AGPAT4: variants seen among roughly 807,000 people sequenced by gnomAD.
The protein encoded by AGPAT4 is 1-acyl-sn-glycerol-3-phosphate acyltransferase delta.
Under a neutral mutation model 48.0 loss-of-function variants are expected in AGPAT4, and 15 were observed. The observed-to-expected ratio is 0.31, with a 90% CI of 0.21 to 0.48. AGPAT4 has a LOEUF of 0.48. Among genes scored for constraint, AGPAT4 ranks in the 20% least tolerant of loss-of-function variants. AGPAT4 has a pLI of 0.99. For missense variants in AGPAT4, 314 were observed against 482.5 expected (o/e 0.65, Z 3.27); for synonymous variants, 178 against 198.7 (o/e 0.90, Z 0.88).
At position 161,203,056 on chromosome 6, in the gene AGPAT4, C is replaced by A. The variant is rs1265859775; in HGVS notation, c.178+28980G>T. On this transcript the variant is annotated intron_variant, in intron 2 of 8. Coordinates refer to ENST00000320285, the MANE Select transcript of AGPAT4 (RefSeq NM_020133.3). ...GCACAGCCTAGCTGTTACCACTGGG[C>A]TCTGTTCAGAATCCTGACCCAACGA... is the stretch of plus-strand genomic sequence containing the variant. Among the ~76,000 whole-genome samples, 10 of 152,338 alleles carry A rather than the reference C, an allele frequency of 6.6e-5. No homozygotes were observed. In the South Asian group the frequency reaches 2.1e-3, roughly 32 times the overall value.
rs903120904 is a variant in AGPAT4 at position 161,195,934 on chromosome 6, T to G, written c.179-29517A>C. On this transcript the variant is annotated intron_variant, in intron 2 of 8. Transcript: ENST00000320285. The surrounding 1 kb of genome is among the most constrained non-coding windows in gnomAD (Gnocchi z 5.0). ...TCCGATCCTATCTTTTCCCAAAGCT[T>G]CCTGACATTGATCAGGCTCTCCCCA... is the stretch of plus-strand genomic sequence containing the variant. Among the ~76,000 whole-genome samples the G allele has an allele frequency of 6.6e-6, 1 of 152,152 alleles. No individual in the cohort carries two copies. Among genetic ancestry groups the G allele is most frequent in the Non-Finnish European group, 1.5e-5 (1 of 68,034 alleles).
Position 161,232,061 on chromosome 6 carries a change from G to A in AGPAT4, c.153C>T (p.Cys51=), listed in dbSNP as rs1435278162. 3 of 1,613,914 alleles carry A rather than the reference G, an allele frequency of 1.9e-6. No homozygotes were observed. In the African/African-American group the frequency reaches 4.0e-5, roughly 22 times the overall value. Residue 51 remains cysteine, a synonymous_variant, in exon 2 of 9, where the codon TGC becomes TGT. Transcript: ENST00000320285. This position sits in a 1 kb window ranked among gnomAD's most constrained non-coding sequence, Gnocchi z 6.8. ...GGCTTGAGATGCAATAGGACAGTCT[G>A]CAGTTGATCTTCCGGAAGAGCTGCT... The part of the protein sequence containing the change: ...INKQLFRKIN[C]RLSYCISSQL...
Position 161,225,586 on chromosome 6 carries a change from T to G in AGPAT4, c.178+6450A>C, listed in dbSNP as rs1313788943. Among the ~76,000 whole-genome samples the G allele has an allele frequency of 6.6e-6, 1 of 152,202 alleles. No individual in the cohort carries two copies. The highest frequency in any genetic ancestry group is 1.5e-5 in the Non-Finnish European group (1 of 68,034). ...AACTAGAAAAGAAAAGAAGGAAGGT[T>G]GCTTTTCGTCAGTTTCTGGAAGCAA... On this transcript the variant is annotated intron_variant, in intron 2 of 8. Coordinates refer to ENST00000320285, the MANE Select transcript of AGPAT4 (RefSeq NM_020133.3). This position sits in a 1 kb window ranked among gnomAD's most constrained non-coding sequence, Gnocchi z 5.0.
rs1781275173 is a variant in AGPAT4 at position 161,202,963 on chromosome 6, A to T, written c.178+29073T>A. Among the ~76,000 whole-genome samples, 1 of 152,188 alleles carries T rather than the reference A, an allele frequency of 6.6e-6. No homozygotes were observed. Among genetic ancestry groups the T allele is most frequent in the African/African-American group, 2.4e-5 (1 of 41,450 alleles). On this transcript the variant is annotated intron_variant, in intron 2 of 8. Transcript: ENST00000320285. This position sits in a 1 kb window ranked among gnomAD's most constrained non-coding sequence, Gnocchi z 5.4. The stretch of plus-strand genomic sequence containing the variant: ...AACATCAACCTCCAGGCTTGTGAGT[A>T]AAGATACCAGCCCTTGATTTCTGCC...
intron 3 of AGPAT4, among the ~76,000 whole-genome samples, chr6:161,156,439 C>T (rs1779770828): frequency 6.6e-6 from 1 of 152,158 alleles, no homozygotes; most frequent in Non-Finnish European, 1.5e-5. Flanking sequence ...ACATTTAGAG[C>T]CACTAAATTT....
intron 2 of AGPAT4, among the ~76,000 whole-genome samples, chr6:161,187,180 T>G (rs892716908): frequency 6.6e-6 from 1 of 152,258 alleles, no homozygotes; most frequent in Admixed American, 6.5e-5. Flanking sequence ...TGAGTGGCAA[T>G]GATGTTGGTG....
intron 1 of AGPAT4, among the ~76,000 whole-genome samples, chr6:161,271,490 C>T (rs1431293102): frequency 6.6e-6 from 1 of 152,200 alleles, no homozygotes; most frequent in African/African-American, 2.4e-5. Flanking sequence ...CACAGCAGAG[C>T]CTTGCAGACA....
chr6:161,208,053 C>G lies in AGPAT4; in HGVS notation c.178+23983G>C, dbSNP rs942884027. On this transcript the variant is annotated intron_variant, in intron 2 of 8. Coordinates refer to ENST00000320285, the MANE Select transcript of AGPAT4 (RefSeq NM_020133.3). This position sits in a 1 kb window ranked among gnomAD's most constrained non-coding sequence, Gnocchi z 4.6. ...TGAGAGAGATGGTAATAACCCTTTC[C>G]TAGGCTTCATTATTAATATTTCCTC... is the stretch of plus-strand genomic sequence containing the variant. 6.6e-6 allele frequency among the ~76,000 whole-genome samples: 1 copy of G among 152,068 alleles called. No individual in the cohort carries two copies. Among genetic ancestry groups the G allele is most frequent in the Non-Finnish European group, 1.5e-5 (1 of 68,004 alleles).
At position 161,136,162 on chromosome 6, in the gene AGPAT4, C is replaced by A. The variant is rs1779058230; in HGVS notation, c.*378G>T. 4.7e-6 allele frequency: 1 copy of A among 211,172 alleles called. No individual in the cohort carries two copies. The highest frequency in any genetic ancestry group is 2.3e-5 in the African/African-American group (1 of 43,158). 13.1% of individuals were successfully genotyped at this position (211,172 alleles called of 1,614,324 possible). ...CACTTTTCACTTTATCTCTGGCAAC[C>A]AAGGGTTACAGAAAACTCAGCACCA... On this transcript the variant is annotated 3_prime_UTR_variant, in exon 9 of 9. Coordinates refer to ENST00000320285, the MANE Select transcript of AGPAT4 (RefSeq NM_020133.3).
Position 161,135,748 on chromosome 6 carries a change from A to C in AGPAT4, c.*792T>G, listed in dbSNP as rs1401853373. 2 of 152,314 alleles carry C rather than the reference A, an allele frequency of 1.3e-5. No homozygotes were observed. Among genetic ancestry groups the C allele is most frequent in the African/African-American group, 2.4e-5 (1 of 41,466 alleles). The allele number at this position is 152,314 out of a possible 1,614,324, so 9.4% of individuals were successfully genotyped here. ...GTTCATGATGTTTGTGTTCAATTTC[A>C]AGATCCATTTCTTCAGGGAGTTGGG... On this transcript the variant is annotated 3_prime_UTR_variant, in exon 9 of 9. Transcript: ENST00000320285.
In AGPAT4 at chr6:161,159,452, C is replaced by G. The variant is rs1450489648; in HGVS notation, c.349-5142G>C. On this transcript the variant is annotated intron_variant, in intron 3 of 8. Coordinates refer to ENST00000320285, the MANE Select transcript of AGPAT4 (RefSeq NM_020133.3). The surrounding 1 kb of genome is among the most constrained non-coding windows in gnomAD (Gnocchi z 4.1). ...TCTGTGTTCCACTTCTGCCACTAAA[C>G]TCTGCCAGTAAGTTGTTGTACAGAC... Among the ~76,000 whole-genome samples, 1 of 152,180 alleles carries G rather than the reference C, an allele frequency of 6.6e-6. No individual in the cohort carries two copies. Among genetic ancestry groups the G allele is most frequent in the Non-Finnish European group, 1.5e-5 (1 of 68,042 alleles).
In AGPAT4 at chr6:161,142,342, C is replaced by T. The variant is rs779848593; in HGVS notation, c.844-2722G>A. 1.3e-5 allele frequency among the ~76,000 whole-genome samples: 2 copies of T among 152,134 alleles called. No individual in the cohort carries two copies. Among genetic ancestry groups the T allele is most frequent in the Non-Finnish European group, 2.9e-5 (2 of 68,030 alleles). On this transcript the variant is annotated intron_variant, in intron 7 of 8. Transcript: ENST00000320285. The surrounding 1 kb of genome is among the most constrained non-coding windows in gnomAD (Gnocchi z 6.4). ...CCGTGGCCCATCTTGGTTGTGGACC[C>T]GTTTTGTAATAAAATTTGCCCCGCA...
At chr6:161,256,615 A>T (rs764368745) in intron 1 of AGPAT4, among the ~76,000 whole-genome samples, 12 of 152,206 alleles carry the variant, frequency 7.9e-5, no homozygotes, top group Non-Finnish European at 1.5e-4. Context: ...CGGAGCTGAC[A>T]CGTCCTCCCT....
At position 161,235,214 on chromosome 6, in the gene AGPAT4, T is replaced by C. The variant is rs1177956990; in HGVS notation, c.-89-2912A>G. Among the ~76,000 whole-genome samples, 1 of 152,194 alleles carries C rather than the reference T, an allele frequency of 6.6e-6. No homozygotes were observed. The highest frequency in any genetic ancestry group is 1.9e-4 in the East Asian group (1 of 5,196). ...ACATTAACTATTCTGCACCTCAGTT[T>C]TTCTATCAGTAAAAAGGGACAACAG... On this transcript the variant is annotated intron_variant, in intron 1 of 8. Transcript: ENST00000320285. This position sits in a 1 kb window ranked among gnomAD's most constrained non-coding sequence, Gnocchi z 6.2.
chr6:161,207,735 G>C (rs1192336390), intron 2 of AGPAT4, among the ~76,000 whole-genome samples: 1 of 152,184 alleles, frequency 6.6e-6, no homozygotes, highest in African/African-American at 2.4e-5. Flanking sequence ...GGGGAAATGG[G>C]GATGGAGTGG....
rs1468911302 is a variant in AGPAT4 at position 161,219,822 on chromosome 6, CAGAGATAGATAG to C, written c.178+12202_178+12213del. Reference sequence around the variant, plus strand: ...ACAGATTCACAGTAAAAAAGATAGACAGAGATAGATAGATAGATAGATAGATAGATAGATAGA... The same window carrying C: ...ACAGATTCACAGTAAAAAAGATAGACATAGATAGATAGATAGATAGATAGA... On this transcript the variant is annotated intron_variant, in intron 2 of 8. Coordinates refer to ENST00000320285, the MANE Select transcript of AGPAT4 (RefSeq NM_020133.3). The surrounding 1 kb of genome is among the most constrained non-coding windows in gnomAD (Gnocchi z 4.9). Among the ~76,000 whole-genome samples the C allele has an allele frequency of 7.5e-5, 8 of 106,210 alleles. No individual in the cohort carries two copies. Among genetic ancestry groups the C allele is most frequent in the Non-Finnish European group, 1.5e-4 (8 of 53,882 alleles). 69.7% of individuals were successfully genotyped at this position (106,210 alleles called of 152,430 possible). A position where few individuals can be genotyped will look rare whatever the true frequency, so the allele number is the denominator to read the frequency against.
rs183925536 is a variant in AGPAT4 at position 161,177,281 on chromosome 6, A to G, written c.179-10864T>C. 1.3e-5 allele frequency among the ~76,000 whole-genome samples: 2 copies of G among 152,200 alleles called. No individual in the cohort carries two copies. Among genetic ancestry groups the G allele is most frequent in the South Asian group, 4.1e-4 (2 of 4,832 alleles). ...CTCCCCGTCACTTTCAGGTACATCA[A>G]TCAGACGTAGATTTGGTCTTTTCAC... On this transcript the variant is annotated intron_variant, in intron 2 of 8. Coordinates refer to ENST00000320285, the MANE Select transcript of AGPAT4 (RefSeq NM_020133.3). The surrounding 1 kb of genome is among the most constrained non-coding windows in gnomAD (Gnocchi z 5.0).
In AGPAT4 at chr6:161,232,748, C is replaced by T. The variant is rs1257112977; in HGVS notation, c.-89-446G>A. Among the ~76,000 whole-genome samples, 3 of 152,152 alleles carry T rather than the reference C, an allele frequency of 2.0e-5. No individual in the cohort carries two copies. In the South Asian group the frequency reaches 6.2e-4, roughly 32 times the overall value. ...TCACCCCTAGCCCCACGCCATCTCCCTCCTCTCATTCTCCTCCTCCAGATC... is the reference window on the plus strand; with the variant it reads ...TCACCCCTAGCCCCACGCCATCTCCTTCCTCTCATTCTCCTCCTCCAGATC... On this transcript the variant is annotated intron_variant, in intron 1 of 8. Transcript: ENST00000320285. This position sits in a 1 kb window ranked among gnomAD's most constrained non-coding sequence, Gnocchi z 6.8.
rs1444082007 is a variant in AGPAT4 at position 161,189,689 on chromosome 6, C to T, written c.179-23272G>A. Among the ~76,000 whole-genome samples, 3 of 152,130 alleles carry T rather than the reference C, an allele frequency of 2.0e-5. No individual in the cohort carries two copies. The highest frequency in any genetic ancestry group is 6.5e-5 in the Admixed American group (1 of 15,272). On this transcript the variant is annotated intron_variant, in intron 2 of 8. Transcript: ENST00000320285. This position sits in a 1 kb window ranked among gnomAD's most constrained non-coding sequence, Gnocchi z 5.3. ...GGGCTCCTCCATCAGTCTCTGGCCC[C>T]CTCTTCCACCTCACTGTCTCCACCT... is the stretch of plus-strand genomic sequence containing the variant.
Sources: allele counts gnomAD v4.1 joint callset (sites outside exome capture counted in the v4.1 genomes callset), GRCh38; gene constraint gnomAD v4.1.1; non-coding constraint Gnocchi (gnomAD v3.1); transcripts MANE v1.5; gene names NCBI Gene and HGNC (gene_info 2026-07-23, HGNC 2026-07-21).